The following TPP2 variants were observed in gnomAD, a reference collection of about 807,000 sequenced individuals.
The protein encoded by TPP2 is tripeptidyl-peptidase 2.
Under a neutral mutation model 155.9 loss-of-function variants are expected in TPP2, and 34 were observed. The ratio of observed to expected loss-of-function variants is 0.22; its 90% CI spans 0.17 to 0.29. The LOEUF is 0.29. TPP2 is among the 10% of genes least tolerant of loss of function. TPP2 has a pLI of 1.00. For missense variants in TPP2, 1,028 were observed against 1,522.3 expected (o/e 0.68, Z 5.40); for synonymous variants, 510 against 529.4 (o/e 0.96, Z 0.50).
chr13:102,598,475 C>G (rs1879160826), intron 1 of TPP2, among the ~76,000 whole-genome samples: 1 of 152,104 alleles, frequency 6.6e-6, no homozygotes, highest in Non-Finnish European at 1.5e-5. Context: ...TACAGCACAT[C>G]TTTTGTGAAT....
At chr13:102,606,738 G>A (rs1024179766) in intron 2 of TPP2, among the ~76,000 whole-genome samples, 9 of 152,074 alleles carry the variant, frequency 5.9e-5, no homozygotes, top group South Asian at 2.1e-4. Context: ...TTATATTCAC[G>A]GGTCCTGCCT....
rs1885446485 is a variant in TPP2 at position 102,678,728 on chromosome 13, AAG to A, written c.*413_*414del. On this transcript the variant is annotated 3_prime_UTR_variant, in exon 30 of 30. Coordinates refer to ENST00000376052, the MANE Select transcript of TPP2 (RefSeq NM_001330588.2). The stretch of plus-strand genomic sequence containing the variant: ...TTTCAATTGTATGAAGGCCTTAAAA[AAG>A]CTACATTAAGCGTAGCTAAAATTAT... 1.3e-5 allele frequency: 2 copies of A among 153,064 alleles called. No homozygotes were observed. Among genetic ancestry groups the A allele is most frequent in the African/African-American group, 4.8e-5 (2 of 41,420 alleles). 9.5% of individuals were successfully genotyped at this position (153,064 alleles called of 1,614,324 possible).
At chr13:102,642,279 CCTGGGACTTGTAG>C (rs1056537524) in intron 16 of TPP2, among the ~76,000 whole-genome samples, 1 of 152,038 alleles carries the variant, frequency 6.6e-6, no homozygotes, top group African/African-American at 2.4e-5. Context: ...TCATAGGGCC[CCTGGGACTTGTAG>C]AGCTCCAGGC....
intron 27 of TPP2, among the ~76,000 whole-genome samples, chr13:102,667,292 A>G (rs1006669409): frequency 6.6e-6 from 1 of 152,144 alleles, no homozygotes; most frequent in Admixed American, 6.6e-5. Flanking sequence ...ACTGATTCCA[A>G]TTAAGTTGCT....
intron 27 of TPP2, among the ~76,000 whole-genome samples, chr13:102,670,437 G>T (rs1884897084): frequency 6.6e-6 from 1 of 152,190 alleles, no homozygotes. Flanking sequence ...TGGGTACAGG[G>T]AGATAGAGTT....
At chr13:102,634,739 C>A (rs913360376) in intron 11 of TPP2, among the ~76,000 whole-genome samples, 1 of 152,212 alleles carries the variant, frequency 6.6e-6, no homozygotes, top group African/African-American at 2.4e-5. Context: ...TGATGTACCA[C>A]TTCAAGTGCT....
chr13:102,644,362 G>A (rs1411190100), intron 17 of TPP2, among the ~76,000 whole-genome samples, 195 bp from the exon 18 acceptor site: 1 of 152,134 alleles, frequency 6.6e-6, no homozygotes, highest in Non-Finnish European at 1.5e-5. Flanking sequence ...AAATAACTAT[G>A]TATATTTAAA....
chr13:102,608,174 T>C (rs1204226292), intron 2 of TPP2, among the ~76,000 whole-genome samples: 1 of 152,218 alleles, frequency 6.6e-6, no homozygotes, highest in Non-Finnish European at 1.5e-5. Flanking sequence ...ACAAGGCTTC[T>C]AACAAAAAGA....
In TPP2 at chr13:102,635,761, A is replaced by G. The variant is rs1386684374; in HGVS notation, c.1509+59A>G. ...GCATCATTGAGATAATATCTTAGAT[A>G]TTATTGGGTAATATTTTGTTTTATA... On this transcript the variant is annotated intron_variant, in intron 12 of 29. Transcript: ENST00000376052. 5 of 1,262,674 alleles carry G rather than the reference A, an allele frequency of 4.0e-6. No homozygotes were observed. In the Admixed American group the frequency reaches 8.8e-5, roughly 22 times the overall value. The allele number at this position is 1,262,674 out of a possible 1,614,324, so 78.2% of individuals were successfully genotyped here. A position where few individuals can be genotyped will look rare whatever the true frequency, so the allele number is the denominator to read the frequency against.
intron 21 of TPP2, among the ~76,000 whole-genome samples, chr13:102,648,621 C>T (rs1391480797): frequency 3.3e-5 from 5 of 152,006 alleles, no homozygotes; most frequent in African/African-American, 1.2e-4. Flanking sequence ...AGTATTCTGT[C>T]GTTCTGGAAA....
intron 25 of TPP2, among the ~76,000 whole-genome samples, chr13:102,660,194 A>C (rs1360287763): frequency 2.0e-5 from 3 of 152,092 alleles, no homozygotes; most frequent in Admixed American, 6.5e-5. Flanking sequence ...CTAAAAAAAA[A>C]ATAAAAATGA....
intron 11 of TPP2, 91 bp from the exon 12 acceptor site, chr13:102,635,496 A>G (rs1489228693): frequency 1.7e-5 from 14 of 817,312 alleles, no homozygotes; most frequent in Non-Finnish European, 2.8e-5. Context: ...CATTAACACC[A>G]GAGGGTCTAC....
At chr13:102,622,781 T>C in intron 5 of TPP2, 96 bp from the exon 6 acceptor site, 3 of 1,286,132 alleles carry the variant, frequency 2.3e-6, no homozygotes, top group Admixed American at 4.6e-5. Flanking sequence ...GTGGTAGAGG[T>C]AGTAGTATAG....
intron 2 of TPP2, among the ~76,000 whole-genome samples, chr13:102,606,727 A>T (rs1334048741): frequency 6.6e-6 from 1 of 152,190 alleles, no homozygotes; most frequent in Admixed American, 6.5e-5. Flanking sequence ...GTGACATCTC[A>T]TTATATTCAC....
intron 24 of TPP2, among the ~76,000 whole-genome samples, chr13:102,652,770 G>A (rs1265299828): frequency 2.0e-5 from 3 of 152,166 alleles, no homozygotes; most frequent in South Asian, 2.1e-4. Context: ...TGTCTTGACC[G>A]TTTGGGGGCC....
Position 102,648,429 on chromosome 13 carries a change from CGTGTGTGTGTGTGTGT to C in TPP2, c.2629-455_2629-440del, listed in dbSNP as rs56934655. Among the ~76,000 whole-genome samples the C allele has an allele frequency of 7.6e-3, 1,122 of 147,870 alleles. 20 individuals carry two copies. The highest frequency in any genetic ancestry group is 0.025 in the African/African-American group (987 of 40,258). ...GGATTACCAGTAGTCATAAGTTACACGTGTGTGTGTGTGTGTGTGTGTGTGTGTGTGTGTGTGTATT... is the reference window on the plus strand; with the variant it reads ...GGATTACCAGTAGTCATAAGTTACACGTGTGTGTGTGTGTGTGTGTGTATT... On this transcript the variant is annotated intron_variant, in intron 21 of 29. Coordinates refer to ENST00000376052, the MANE Select transcript of TPP2 (RefSeq NM_001330588.2).
At position 102,664,406 on chromosome 13, in the gene TPP2, T is replaced by C. The variant is rs1018314460; in HGVS notation, c.3241-389T>C. Reference sequence around the variant, plus strand: ...CATCAGCTAGGGCTTTCTTTTTTTTTCCTGTGTTCAGGTAGTGTGCAACTA... The same window carrying C: ...CATCAGCTAGGGCTTTCTTTTTTTTCCCTGTGTTCAGGTAGTGTGCAACTA... On this transcript the variant is annotated intron_variant, in intron 26 of 29. Transcript: ENST00000376052. Among the ~76,000 whole-genome samples, 10 of 152,320 alleles carry C rather than the reference T, an allele frequency of 6.6e-5. No individual in the cohort carries two copies. The East Asian group carries it at 1.5e-3, about 24-fold the overall frequency.
intron 14 of TPP2, among the ~76,000 whole-genome samples, 194 bp from the exon 15 acceptor site, chr13:102,638,045 G>A (rs1177149174): frequency 1.3e-5 from 2 of 152,094 alleles, no homozygotes; most frequent in African/African-American, 2.4e-5. Flanking sequence ...ATTTCAACTG[G>A]TCAAATGTTG....
intron 19 of TPP2, 104 bp downstream of exon 19, chr13:102,645,113 T>C: frequency 1.0e-6 from 1 of 983,992 alleles, no homozygotes. Flanking sequence ...ACCTGCATGC[T>C]AGAGGTGAGA....
Sources: gnomAD v4.1 joint callset for allele counts (sites outside exome capture counted in the v4.1 genomes callset) on GRCh38, gnomAD v4.1.1 for gene constraint, MANE v1.5 for transcripts, NCBI Gene and HGNC (gene_info 2026-07-23, HGNC 2026-07-21) for gene names.